SDK2: variants seen among roughly 807,000 people sequenced by gnomAD.
SDK2 encodes the protein protein sidekick-2.
SDK2 carries 105 observed loss-of-function variants against 253.9 expected under a neutral mutation model. That is an observed-to-expected ratio of 0.41 (90% CI 0.35 to 0.49). SDK2 has a LOEUF of 0.49. Among genes scored for constraint, SDK2 ranks in the 20% least tolerant of loss-of-function variants. SDK2 has a pLI of 0.06. For synonymous variants in SDK2, 1,249 were observed against 1,234.9 expected (o/e 1.01, Z -0.24); for missense variants, 2,608 against 3,003.0 (o/e 0.87, Z 3.07).
At chr17:73,550,783 T>C (rs928405778) in intron 1 of SDK2, among the ~76,000 whole-genome samples, 2 of 152,106 alleles carry the variant, frequency 1.3e-5, no homozygotes, top group African/African-American at 4.8e-5. Context: ...AACCCAGAGA[T>C]CGGTGACACA....
chr17:73,497,896 C>T (rs919904590), intron 2 of SDK2, among the ~76,000 whole-genome samples: 3 of 152,194 alleles, frequency 2.0e-5, no homozygotes, highest in African/African-American at 7.2e-5. Flanking sequence ...TCCTTGGCCA[C>T]GTGGACCTTC....
In SDK2 at chr17:73,612,695, G is replaced by A. The variant is rs1298006612; in HGVS notation, c.64+31330C>T. Among the ~76,000 whole-genome samples the A allele has an allele frequency of 6.6e-6, 1 of 152,148 alleles. No homozygotes were observed. Among genetic ancestry groups the A allele is most frequent in the Non-Finnish European group, 1.5e-5 (1 of 68,030 alleles). On this transcript the variant is annotated intron_variant, in intron 1 of 44. Transcript: ENST00000392650. The surrounding 1 kb of genome is among the most constrained non-coding windows in gnomAD (Gnocchi z 4.4). ...GCATTTTGGGAAGCCCAGGCGGGCA[G>A]ATCACAAGGTCAAGACTTTGAGACA...
chr17:73,427,642 C>CAAAA (rs9302965), intron 12 of SDK2, among the ~76,000 whole-genome samples: 21,995 of 105,038 alleles, frequency 0.21, 2,728 homozygotes, highest in East Asian at 0.46. Context: ...CATCCACATG[C>CAAAA]AAAAAAAAAA....
rs77373436 is a variant in SDK2 at position 73,411,134 on chromosome 17, C to A, written c.2484+3510G>T. Among the ~76,000 whole-genome samples, 12 of 152,206 alleles carry A rather than the reference C, an allele frequency of 7.9e-5. No homozygotes were observed. In the East Asian group the frequency reaches 2.3e-3, roughly 29 times the overall value. ...GAGTGCTCCAAGAATTCAGCTGCTG[C>A]TCCCTGCCCTGCAAAGCTCTGCTCG... On this transcript the variant is annotated intron_variant, in intron 18 of 44. Coordinates refer to ENST00000392650, the MANE Select transcript of SDK2 (RefSeq NM_001144952.2).
intron 1 of SDK2, among the ~76,000 whole-genome samples, chr17:73,605,527 A>C (rs2045896590): frequency 6.6e-6 from 1 of 152,010 alleles, no homozygotes. Context: ...GGGAGTGGAG[A>C]GGGTGGGAGA....
intron 2 of SDK2, among the ~76,000 whole-genome samples, chr17:73,483,706 TA>T (rs763275306): frequency 0.055 from 3,196 of 57,618 alleles, 344 homozygotes; most frequent in East Asian, 0.11. Flanking sequence ...TATATATATA[TA>T]TTTTTTTTTT....
At chr17:73,484,593 C>A (rs1385100429) in intron 2 of SDK2, among the ~76,000 whole-genome samples, 1 of 152,232 alleles carries the variant, frequency 6.6e-6, no homozygotes. Context: ...AGCACCATGG[C>A]CTGGGTGCCT....
At chr17:73,515,521 T>C (rs1459423058) in intron 1 of SDK2, among the ~76,000 whole-genome samples, 1 of 152,162 alleles carries the variant, frequency 6.6e-6, no homozygotes, top group African/African-American at 2.4e-5. Flanking sequence ...AAGAGACTGG[T>C]CCGCCCAGGG....
At position 73,507,353 on chromosome 17, in the gene SDK2, C is replaced by T. The variant is rs1364727071; in HGVS notation, c.224+85G>A. ...AGGAGCCCTGAGCCCCACACTGTCACACAAACCCCCTCCTCACCATGCCCT... is the reference window on the plus strand; with the variant it reads ...AGGAGCCCTGAGCCCCACACTGTCATACAAACCCCCTCCTCACCATGCCCT... On this transcript the variant is annotated intron_variant, in intron 2 of 44. Coordinates refer to ENST00000392650, the MANE Select transcript of SDK2 (RefSeq NM_001144952.2). 6 of 1,412,312 alleles carry T rather than the reference C, an allele frequency of 4.2e-6. No homozygotes were observed. In the East Asian group the frequency reaches 7.5e-5, roughly 18 times the overall value. 87.5% of individuals were successfully genotyped at this position (1,412,312 alleles called of 1,614,324 possible). A position where few individuals can be genotyped will look rare whatever the true frequency, so the allele number is the denominator to read the frequency against.
intron 43 of SDK2, among the ~76,000 whole-genome samples, chr17:73,349,570 G>A (rs1304954518): frequency 2.6e-5 from 4 of 152,234 alleles, no homozygotes; most frequent in African/African-American, 9.6e-5. Context: ...TGGCCACAGG[G>A]AGTAGGGCCT....
At chr17:73,464,200 T>C (rs965239637) in intron 3 of SDK2, among the ~76,000 whole-genome samples, 2 of 151,696 alleles carry the variant, frequency 1.3e-5, no homozygotes, top group Admixed American at 1.3e-4. Flanking sequence ...CACCGAAATC[T>C]CACTTTGAAT....
At chr17:73,603,511 A>C (rs765310723) in intron 1 of SDK2, among the ~76,000 whole-genome samples, 3 of 152,104 alleles carry the variant, frequency 2.0e-5, no homozygotes, top group Non-Finnish European at 4.4e-5. Context: ...CACCCAGGGG[A>C]GCCTAGGATG....
intron 3 of SDK2, among the ~76,000 whole-genome samples, chr17:73,469,983 C>CGCGT (rs1555585118): frequency 3.0e-4 from 28 of 94,716 alleles, no homozygotes; most frequent in Admixed American, 1.1e-3. Context: ...TTTGCGACTG[C>CGCGT]GCGCGCGCGC....
chr17:73,526,524 G>A (rs1567823589), intron 1 of SDK2, among the ~76,000 whole-genome samples: 2 of 152,206 alleles, frequency 1.3e-5, no homozygotes, highest in African/African-American at 4.8e-5. Context: ...ATGAATGAAT[G>A]GTGACGATCA....
chr17:73,456,255 T>C (rs2063525262), intron 3 of SDK2, among the ~76,000 whole-genome samples: 1 of 152,142 alleles, frequency 6.6e-6, no homozygotes. Flanking sequence ...TCTCCATTCA[T>C]ATCCCTATAT....
rs73345938 is a variant in SDK2, at chr17:73,383,194, C to T, written c.4705+682G>A. ...CCTCTATCTGGGCGCCTGCCTCTGG[C>T]TCTCCATCCTCCCACCATGGCCAAG... is the stretch of plus-strand genomic sequence containing the variant. On this transcript the variant is annotated intron_variant, in intron 33 of 44. Transcript: ENST00000392650. This position sits in a 1 kb window ranked among gnomAD's most constrained non-coding sequence, Gnocchi z 4.3. 0.058 allele frequency among the ~76,000 whole-genome samples: 8,891 copies of T among 152,274 alleles called. 848 individuals carry two copies. Among genetic ancestry groups the T allele is most frequent in the African/African-American group, 0.2 (8,268 of 41,502 alleles).
chr17:73,535,106 AGCCCTGACCAGGAAACCAAAGGTG>A (rs2044751813), intron 1 of SDK2, among the ~76,000 whole-genome samples: 1 of 152,194 alleles, frequency 6.6e-6, no homozygotes, highest in South Asian at 2.1e-4. Context: ...AATCCCCTAT[AGCCCTGACCAGGAAACCAAAGGTG>A]GCCTCGACGC....
intron 2 of SDK2, among the ~76,000 whole-genome samples, chr17:73,494,062 G>A (rs566583841): frequency 1.3e-5 from 2 of 152,302 alleles, no homozygotes; most frequent in South Asian, 2.1e-4. Flanking sequence ...TCCCTGACCC[G>A]GCGAGTCCCT....
chr17:73,593,468 C>T (rs576395194), intron 1 of SDK2, among the ~76,000 whole-genome samples: 2 of 152,298 alleles, frequency 1.3e-5, no homozygotes, highest in South Asian at 2.1e-4. Flanking sequence ...ATGAGGCATG[C>T]GCTCTGGGCC....
Sources: gnomAD v4.1 joint callset for allele counts (sites outside exome capture counted in the v4.1 genomes callset) on GRCh38, gnomAD v4.1.1 for gene constraint, Gnocchi (gnomAD v3.1) non-coding constraint, MANE v1.5 for transcripts, NCBI Gene and HGNC (gene_info 2026-07-23, HGNC 2026-07-21) for gene names.